The following JAKMIP1 variants were observed in gnomAD, a reference collection of about 807,000 sequenced individuals.
JAKMIP1 encodes janus kinase and microtubule-interacting protein 1.
In JAKMIP1, 33 loss-of-function variants were observed where a neutral mutation model predicts 113.0. The ratio of observed to expected loss-of-function variants is 0.29; its 90% CI spans 0.22 to 0.39. The LOEUF is 0.39. Among genes scored for constraint, JAKMIP1 ranks in the 10% least tolerant of loss-of-function variants. The probability of loss-of-function intolerance (pLI) is 1.00; values close to 1 mark genes in which losing one functional copy is unlikely to be tolerated. For synonymous variants in JAKMIP1, 480 were observed against 459.9 expected, an observed-to-expected ratio of 1.04 and a Z score of -0.56; for missense variants, 813 against 1,080.5, an observed-to-expected ratio of 0.75 and a Z score of 3.47.
chr4:6,091,797 A>G (rs192116500), intron 3 of JAKMIP1, among the ~76,000 whole-genome samples: 1 of 152,356 alleles, frequency 6.6e-6, no homozygotes, highest in Non-Finnish European at 1.5e-5. Context: ...TTGGCACAGT[A>G]TGGGGTTAAG....
At position 6,141,642 on chromosome 4, in the gene JAKMIP1, A is replaced by G. The variant is rs952163517; in HGVS notation, c.-147-28645T>C. Among the ~76,000 whole-genome samples the G allele has an allele frequency of 2.6e-5, 4 of 152,140 alleles. No homozygotes were observed. The highest frequency in any genetic ancestry group is 1.9e-4 in the East Asian group (1 of 5,184). ...CTTTCTCCTCCACTCCCAAATCCACATGATTCTCCATCTTAACTTGCCGGT... is the reference window on the plus strand; with the variant it reads ...CTTTCTCCTCCACTCCCAAATCCACGTGATTCTCCATCTTAACTTGCCGGT... On this transcript the variant is annotated intron_variant, in intron 1 of 20. Coordinates refer to ENST00000409021, the MANE Select transcript of JAKMIP1 (RefSeq NM_001099433.2). The surrounding 1 kb of genome is among the most constrained non-coding windows in gnomAD (Gnocchi z 9.4).
rs575825251 is a variant in JAKMIP1, at chr4:6,150,081, G to C, written c.-147-37084C>G. 1.4e-4 allele frequency among the ~76,000 whole-genome samples: 22 copies of C among 152,252 alleles called. No individual in the cohort carries two copies. The highest frequency in any genetic ancestry group is 4.3e-4 in the African/African-American group (18 of 41,526). ...CAAGAAACACGCCTACAAGTTTGTG[G>C]AGCGCCTGCCATATGCCAAGCTCTG... is the stretch of plus-strand genomic sequence containing the variant. On this transcript the variant is annotated intron_variant, in intron 1 of 20. Transcript: ENST00000409021. This position sits in a 1 kb window ranked among gnomAD's most constrained non-coding sequence, Gnocchi z 4.8.
intron 8 of JAKMIP1, among the ~76,000 whole-genome samples, chr4:6,072,712 C>G (rs1313726312): frequency 6.6e-6 from 1 of 152,188 alleles, no homozygotes; most frequent in Non-Finnish European, 1.5e-5. Context: ...AGACTGGTGA[C>G]AGCCGTGGGG....
chr4:6,072,652 A>T (rs1474903788), intron 8 of JAKMIP1, among the ~76,000 whole-genome samples: 1 of 152,230 alleles, frequency 6.6e-6, no homozygotes, highest in Admixed American at 6.5e-5. Context: ...CTGTGCCAGC[A>T]GCTTCGAGTA....
In JAKMIP1 at chr4:6,108,727, T is replaced by C. The variant is rs779541979; in HGVS notation, c.130-2760A>G. 1.3e-5 allele frequency among the ~76,000 whole-genome samples: 2 copies of C among 152,190 alleles called. No homozygotes were observed. The highest frequency in any genetic ancestry group is 2.9e-5 in the Non-Finnish European group (2 of 68,038). Reference sequence around the variant, plus strand: ...CTGAAACCATCATACATGTATAGTGTTGAACAAAGAAAGTGGATGGCAGAG... The same window carrying C: ...CTGAAACCATCATACATGTATAGTGCTGAACAAAGAAAGTGGATGGCAGAG... On this transcript the variant is annotated intron_variant, in intron 2 of 20. Transcript: ENST00000409021. The surrounding 1 kb of genome is among the most constrained non-coding windows in gnomAD (Gnocchi z 5.6).
intron 1 of JAKMIP1, among the ~76,000 whole-genome samples, chr4:6,115,820 C>A (rs1715662987): frequency 6.6e-6 from 1 of 152,226 alleles, no homozygotes; most frequent in East Asian, 1.9e-4. Flanking sequence ...GAGCAGCCCA[C>A]CGGCCTCGCA....
intron 1 of JAKMIP1, among the ~76,000 whole-genome samples, chr4:6,174,613 CA>C (rs1725123441): frequency 1.3e-5 from 2 of 152,278 alleles, no homozygotes; most frequent in South Asian, 4.1e-4. Context: ...GAGGTCGCAA[CA>C]CTGCTGCAGC....
intron 1 of JAKMIP1, among the ~76,000 whole-genome samples, chr4:6,147,123 C>T (rs1358743044): frequency 2.0e-5 from 3 of 151,916 alleles, no homozygotes; most frequent in Non-Finnish European, 2.9e-5. Flanking sequence ...CTATGCCTGG[C>T]TAATTTTTCT....
chr4:6,048,083 T>G (rs929084791), intron 16 of JAKMIP1, among the ~76,000 whole-genome samples: 5 of 152,110 alleles, frequency 3.3e-5, no homozygotes, highest in African/African-American at 1.2e-4. Context: ...AAATAGATAA[T>G]ACACATAAAA....
In JAKMIP1 at chr4:6,194,781, G is replaced by A. The variant is rs561477130; in HGVS notation, c.-148+5472C>T. ...TAAAGTGGCCCTTCAGCCAGTCTAA[G>A]CCACGGTGGGAGACAGGAGAGCAGG... On this transcript the variant is annotated intron_variant, in intron 1 of 20. Transcript: ENST00000409021. The surrounding 1 kb of genome is among the most constrained non-coding windows in gnomAD (Gnocchi z 7.4). Among the ~76,000 whole-genome samples the A allele has an allele frequency of 1.3e-5, 2 of 152,198 alleles. No individual in the cohort carries two copies. The highest frequency in any genetic ancestry group is 6.5e-5 in the Admixed American group (1 of 15,282).
At chr4:6,126,362 C>A in intron 1 of JAKMIP1, among the ~76,000 whole-genome samples, 1 of 142,508 alleles carries the variant, frequency 7.0e-6, no homozygotes, top group African/African-American at 2.7e-5. Context: ...CATGCAGAAA[C>A]ACACACATGC....
intron 5 of JAKMIP1, 61 bp downstream of exon 5, chr4:6,084,785 G>C: frequency 6.6e-7 from 1 of 1,522,696 alleles, no homozygotes; most frequent in East Asian, 2.4e-5. Flanking sequence ...GCATGTTTCA[G>C]GGACTCAGGG....
chr4:6,157,599 ATC>A lies in JAKMIP1; in HGVS notation c.-148+42652_-148+42653del, dbSNP rs1412783856. ...CAGACCATCACAACTCAGAACCGGG[ATC>A]TCCGAGCTACAATCCCACCAGAATC... On this transcript the variant is annotated intron_variant, in intron 1 of 20. Transcript: ENST00000409021. This position sits in a 1 kb window ranked among gnomAD's most constrained non-coding sequence, Gnocchi z 4.7. 6.6e-6 allele frequency among the ~76,000 whole-genome samples: 1 copy of A among 152,098 alleles called. No homozygotes were observed. The highest frequency in any genetic ancestry group is 1.5e-5 in the Non-Finnish European group (1 of 68,020).
In JAKMIP1 at chr4:6,193,267, CT is replaced by C. The variant is rs1727478493; in HGVS notation, c.-148+6985del. Among the ~76,000 whole-genome samples the C allele has an allele frequency of 6.6e-6, 1 of 152,166 alleles. No homozygotes were observed. Among genetic ancestry groups the C allele is most frequent in the Non-Finnish European group, 1.5e-5 (1 of 68,036 alleles). On this transcript the variant is annotated intron_variant, in intron 1 of 20. Transcript: ENST00000409021. The surrounding 1 kb of genome is among the most constrained non-coding windows in gnomAD (Gnocchi z 6.4). ...GAAGGCTGTGCTGTTGGATTCTGTA[CT>C]TTTGAGGTTTTGGGATTCAGACTGA...
chr4:6,028,306 T>A (rs1256837686), intron 20 of JAKMIP1, among the ~76,000 whole-genome samples: 1 of 152,210 alleles, frequency 6.6e-6, no homozygotes, highest in African/African-American at 2.4e-5. Context: ...AGGAATCAGC[T>A]AAAACTGGGG....
Position 6,183,335 on chromosome 4 carries a change from C to T in JAKMIP1, c.-148+16918G>A, listed in dbSNP as rs145623889. ...CTGTACTAAAAATACAAAAATTAGC[C>T]GGGCTTGGTGGCGGGTGCCTGTAAT... is the stretch of plus-strand genomic sequence containing the variant. On this transcript the variant is annotated intron_variant, in intron 1 of 20. Transcript: ENST00000409021. The surrounding 1 kb of genome is among the most constrained non-coding windows in gnomAD (Gnocchi z 5.3). Among the ~76,000 whole-genome samples the T allele has an allele frequency of 0.02, 2,992 of 151,812 alleles. 27 individuals carry two copies. Among genetic ancestry groups the T allele is most frequent in the Middle Eastern group, 0.058 (17 of 294 alleles).
At chr4:6,041,497 T>C (rs1468233478) in intron 17 of JAKMIP1, among the ~76,000 whole-genome samples, 1 of 152,158 alleles carries the variant, frequency 6.6e-6, no homozygotes, top group Non-Finnish European at 1.5e-5. Context: ...AATTGGCCTT[T>C]GACTACTCAA....
rs1295152580 is a variant in JAKMIP1, at chr4:6,158,687, A to C, written c.-148+41566T>G. Among the ~76,000 whole-genome samples, 1 of 152,120 alleles carries C rather than the reference A, an allele frequency of 6.6e-6. No homozygotes were observed. The highest frequency in any genetic ancestry group is 1.9e-4 in the East Asian group (1 of 5,182). ...GAAGTCCATCTTTTTAGGTTAGGAA[A>C]GAAAATTTGGTTTGAAAATTTATTG... On this transcript the variant is annotated intron_variant, in intron 1 of 20. Coordinates refer to ENST00000409021, the MANE Select transcript of JAKMIP1 (RefSeq NM_001099433.2). The surrounding 1 kb of genome is among the most constrained non-coding windows in gnomAD (Gnocchi z 5.3).
chr4:6,037,530 C>T (rs1368686673), intron 18 of JAKMIP1, among the ~76,000 whole-genome samples: 3 of 145,548 alleles, frequency 2.1e-5, no homozygotes, highest in African/African-American at 7.9e-5. Context: ...AGCCCTCCAA[C>T]ACCGAGGCAG....
Sources: allele counts gnomAD v4.1 joint callset (sites outside exome capture counted in the v4.1 genomes callset), GRCh38; gene constraint gnomAD v4.1.1; non-coding constraint Gnocchi (gnomAD v3.1); transcripts MANE v1.5; gene names NCBI Gene and HGNC (gene_info 2026-07-23, HGNC 2026-07-21).